Variants in COL22A1 observed in about 807,000 individuals in gnomAD.
COL22A1 encodes collagen alpha-1(XXII) chain.
In COL22A1, 221 loss-of-function variants were observed where a neutral mutation model predicts 248.9. That is an observed-to-expected ratio of 0.89 (90% CI 0.80 to 0.99). COL22A1 has a LOEUF of 0.99. Ranked by LOEUF, COL22A1 falls within the 50% of genes least tolerant of loss-of-function variation. The pLI is 0.00. For missense variants in COL22A1, 2,240 were observed against 2,179.0 expected, an observed-to-expected ratio of 1.03 and a Z score of -0.56; for synonymous variants, 891 against 793.4, an observed-to-expected ratio of 1.12 and a Z score of -2.07.
At position 138,770,724 on chromosome 8, in the gene COL22A1, C is replaced by G. The variant is rs942489162; in HGVS notation, c.1803+5242G>C. On this transcript the variant is annotated intron_variant, in intron 16 of 64. Coordinates refer to ENST00000303045, the MANE Select transcript of COL22A1 (RefSeq NM_152888.3). The stretch of plus-strand genomic sequence containing the variant: ...AGCTGAAAAGGGGTGTTCGGCATCA[C>G]GCAACCCAGGCTCTTCCTTGGCAGG... 3.9e-5 allele frequency among the ~76,000 whole-genome samples: 6 copies of G among 152,188 alleles called. No individual in the cohort carries two copies. The South Asian group carries it at 8.3e-4, about 21-fold the overall frequency.
chr8:138,886,531 T>G (rs1488667029), intron 1 of COL22A1, among the ~76,000 whole-genome samples: 2 of 152,106 alleles, frequency 1.3e-5, no homozygotes, highest in African/African-American at 2.4e-5. Flanking sequence ...CTATTGGCAG[T>G]TTCTGAGCAT....
intron 38 of COL22A1, 140 bp downstream of exon 38, chr8:138,685,068 T>C: frequency 3.0e-6 from 2 of 662,606 alleles, no homozygotes; most frequent in Non-Finnish European, 5.4e-6. Flanking sequence ...TGCCCTAGCC[T>C]GAACCCCTTT....
In COL22A1 at chr8:138,589,131, G is replaced by T; in HGVS notation, c.*122C>A. On this transcript the variant is annotated 3_prime_UTR_variant, in exon 65 of 65. Coordinates refer to ENST00000303045, the MANE Select transcript of COL22A1 (RefSeq NM_152888.3). ...CAAGAAAATAAAACAAAAAGCAAAC[G>T]ATAAAAGAAAGAAAAAAAAAAGGAA... The T allele has an allele frequency of 2.2e-6, 2 of 911,810 alleles. No homozygotes were observed. The highest frequency in any genetic ancestry group is 3.3e-6 in the Non-Finnish European group (2 of 604,308). The allele number at this position is 911,810 out of a possible 1,614,324, so 56.5% of individuals were successfully genotyped here.
intron 43 of COL22A1, among the ~76,000 whole-genome samples, chr8:138,661,314 T>C (rs1403844302): frequency 1.3e-5 from 2 of 152,242 alleles, no homozygotes; most frequent in Non-Finnish European, 2.9e-5. Context: ...CATTTTGTTG[T>C]TCCTGCTTAT....
At chr8:138,755,025 A>G (rs1832879794) in intron 21 of COL22A1, 132 bp downstream of exon 21, 1 of 888,230 alleles carries the variant, frequency 1.1e-6, no homozygotes, top group Non-Finnish European at 1.8e-6. Context: ...CCACAACAGC[A>G]CAACCCACTC....
rs1272690091 is a variant in COL22A1, at chr8:138,813,003, A to G, written c.1262T>C (p.Ile421Thr). Residue 421 changes from isoleucine to threonine, a missense_variant, in exon 8 of 65, where the codon ATT (isoleucine) becomes ACT (threonine). Coordinates refer to ENST00000303045, the MANE Select transcript of COL22A1 (RefSeq NM_152888.3). ...SVPIDFDLQRIVIYCDSRHAE... is the reference protein window; with the variant it reads ...SVPIDFDLQRTVIYCDSRHAE... ...GTGTCTCGAGTCACAATAGATCACAATCCGCTGTAGGTCAAACTGGAAAGG... is the reference window on the plus strand; with the variant it reads ...GTGTCTCGAGTCACAATAGATCACAGTCCGCTGTAGGTCAAACTGGAAAGG... 1 of 1,613,812 alleles carries G rather than the reference A, an allele frequency of 6.2e-7. No individual in the cohort carries two copies. The highest frequency in any genetic ancestry group is 8.5e-7 in the Non-Finnish European group (1 of 1,179,834).
At chr8:138,724,541 C>A in intron 25 of COL22A1, 74 bp downstream of exon 25, 1 of 1,466,718 alleles carries the variant, frequency 6.8e-7, no homozygotes, top group Non-Finnish European at 9.5e-7. Context: ...GGGCCAGCTG[C>A]AAGGGCTCAG....
intron 35 of COL22A1, among the ~76,000 whole-genome samples, chr8:138,691,500 C>T (rs544927675): frequency 3.3e-5 from 3 of 89,646 alleles, no homozygotes; most frequent in Admixed American, 2.7e-4. Context: ...TATGTGTGCA[C>T]GTCCATGTGT....
intron 55 of COL22A1, among the ~76,000 whole-genome samples, chr8:138,615,590 A>G (rs1281391001): frequency 5.3e-5 from 8 of 152,082 alleles, no homozygotes; most frequent in African/African-American, 1.9e-4. Flanking sequence ...CACCAAATAA[A>G]AGGGAGAGCC....
intron 53 of COL22A1, among the ~76,000 whole-genome samples, chr8:138,617,891 A>C (rs1218857132): frequency 2.0e-5 from 3 of 152,190 alleles, no homozygotes; most frequent in African/African-American, 7.2e-5. Context: ...AGACTGAATA[A>C]GGACTGCACA....
intron 45 of COL22A1, among the ~76,000 whole-genome samples, chr8:138,653,821 A>G (rs1177733417): frequency 6.6e-6 from 1 of 152,208 alleles, no homozygotes; most frequent in Non-Finnish European, 1.5e-5. Context: ...TCGAGATGAC[A>G]GCCAGTGACT....
chr8:138,592,854 AAT>A (rs1817199592), intron 63 of COL22A1, among the ~76,000 whole-genome samples: 2 of 152,252 alleles, frequency 1.3e-5, no homozygotes, highest in Admixed American at 6.5e-5. Flanking sequence ...AGCTTAAAAA[AAT>A]AGATAAAATA....
Position 138,717,341 on chromosome 8 carries a change from G to A in COL22A1, c.2356-472C>T, listed in dbSNP as rs182793636. ...TTTTTGTATTTTTAGTAGAGACAGGGTTTCACCATGTTAGCCAGGATGGTC... is the reference window on the plus strand; with the variant it reads ...TTTTTGTATTTTTAGTAGAGACAGGATTTCACCATGTTAGCCAGGATGGTC... On this transcript the variant is annotated intron_variant, in intron 27 of 64. Transcript: ENST00000303045. Among the ~76,000 whole-genome samples the A allele has an allele frequency of 1.1e-3, 169 of 152,128 alleles. 3 individuals are homozygous for A. In the East Asian group the frequency reaches 0.03, roughly 27 times the overall value.
At chr8:138,781,424 C>CTG (rs1158454883) in intron 12 of COL22A1, among the ~76,000 whole-genome samples, 6 of 152,188 alleles carry the variant, frequency 3.9e-5, no homozygotes, top group African/African-American at 1.4e-4. Context: ...GGATGCTCGG[C>CTG]TGCATCCCTA....
intron 2 of COL22A1, 79 bp from the exon 3 acceptor site, chr8:138,878,395 G>T: frequency 8.3e-7 from 1 of 1,199,356 alleles, no homozygotes; most frequent in Non-Finnish European, 1.1e-6. Context: ...AGGTCACTGG[G>T]GTCACACACA....
At chr8:138,660,979 C>CACACACACAG (rs1823872257) in intron 43 of COL22A1, among the ~76,000 whole-genome samples, 1 of 137,780 alleles carries the variant, frequency 7.3e-6, no homozygotes, top group African/African-American at 3.0e-5. Context: ...CACACATACA[C>CACACACACAG]ACACACATAC....
At chr8:138,690,938 C>G in intron 35 of COL22A1, 64 bp from the exon 36 acceptor site, 1 of 1,321,876 alleles carries the variant, frequency 7.6e-7, no homozygotes, top group Admixed American at 2.1e-5. Context: ...CCCCCACTCT[C>G]TCTGCAAATC....
At chr8:138,912,542 A>T (rs1815523942) in intron 1 of COL22A1, among the ~76,000 whole-genome samples, 2 of 152,154 alleles carry the variant, frequency 1.3e-5, no homozygotes, top group South Asian at 4.1e-4. Context: ...GGAGTTGGAG[A>T]CCAGTCTGAC....
chr8:138,783,399 C>T (rs763368686), intron 12 of COL22A1, among the ~76,000 whole-genome samples: 4 of 152,070 alleles, frequency 2.6e-5, no homozygotes, highest in Non-Finnish European at 5.9e-5. Context: ...GTCCAGGTTC[C>T]AAAACTGAGG....
Sources: gnomAD v4.1 joint callset for allele counts (sites outside exome capture counted in the v4.1 genomes callset) on GRCh38, gnomAD v4.1.1 for gene constraint, MANE v1.5 for transcripts, NCBI Gene and HGNC (gene_info 2026-07-23, HGNC 2026-07-21) for gene names.